Variants in TEX2 observed in about 807,000 individuals in gnomAD.
TEX2 encodes the protein testis expressed 2.
TEX2 carries 53 observed loss-of-function variants against 106.9 expected under a neutral mutation model. The ratio of observed to expected loss-of-function variants is 0.50; its 90% confidence interval spans 0.40 to 0.62. The LOEUF is 0.62. Ranked by LOEUF, TEX2 falls within the 20% of genes least tolerant of loss-of-function variation. The pLI is 0.00. For missense variants in TEX2, 1,207 were observed against 1,379.0 expected (o/e 0.88, Z 1.98); for synonymous variants, 523 against 534.8 (o/e 0.98, Z 0.30).
Position 64,212,910 on chromosome 17 carries a change from A to G in TEX2, c.1308T>C (p.Val436=), listed in dbSNP as rs532646895. Reference sequence around the variant, plus strand: ...TGAGAGGAATATCTGAGAGCTTATCAACTTTACTCTCCCCCTCCGTTTCCA... The same window carrying G: ...TGAGAGGAATATCTGAGAGCTTATCGACTTTACTCTCCCCCTCCGTTTCCA... ...FDLETEGESK[V]DKLSDIPLKP... is the part of the protein sequence containing the mutation. The change falls in exon 2 of 12, where the codon GTT becomes GTC. Residue 436 remains valine, a synonymous_variant. Coordinates refer to ENST00000584379, the MANE Select transcript of TEX2 (RefSeq NM_001288732.2). 6.2e-7 allele frequency: 1 copy of G among 1,614,202 alleles called. No homozygotes were observed. The highest frequency in any genetic ancestry group is 2.2e-5 in the East Asian group (1 of 44,890).
At chr17:64,218,262 T>C in intron 1 of TEX2, among the ~76,000 whole-genome samples, 1 of 151,634 alleles carries the variant, frequency 6.6e-6, no homozygotes, top group Non-Finnish European at 1.5e-5. Flanking sequence ...AAAAAAAGTC[T>C]GAAAGGCTTT....
intron 2 of TEX2, among the ~76,000 whole-genome samples, chr17:64,206,996 G>A (rs1268715388): frequency 6.6e-6 from 1 of 152,148 alleles, no homozygotes; most frequent in East Asian, 1.9e-4. Flanking sequence ...CTGCAAATTG[G>A]TCTTTTTGGT....
At position 64,160,098 on chromosome 17, in the gene TEX2, G is replaced by C. The variant is rs1281385385; in HGVS notation, c.2804+703C>G. ...AGCCTCTAGTCAACATTTTTAATTTGGTAAAAACAATAATATAATTTAAAT... is the reference window on the plus strand; with the variant it reads ...AGCCTCTAGTCAACATTTTTAATTTCGTAAAAACAATAATATAATTTAAAT... On this transcript the variant is annotated intron_variant, in intron 8 of 11. Transcript: ENST00000584379. Among the ~76,000 whole-genome samples, 4 of 152,118 alleles carry C rather than the reference G, an allele frequency of 2.6e-5. No homozygotes were observed. The East Asian group carries it at 7.7e-4, about 29-fold the overall frequency.
At chr17:64,232,399 GATTA>G (rs1425330121) in intron 1 of TEX2, among the ~76,000 whole-genome samples, 9 of 152,244 alleles carry the variant, frequency 5.9e-5, no homozygotes, top group South Asian at 4.1e-4. Flanking sequence ...CCAGTAAACT[GATTA>G]ATTCTGTGTA....
Position 64,147,306 on chromosome 17 carries a change from TAGGAC to T in TEX2, c.*1658_*1662del, listed in dbSNP as rs2143553876. 1 of 152,308 alleles carries T rather than the reference TAGGAC, an allele frequency of 6.6e-6. No individual in the cohort carries two copies. The highest frequency in any genetic ancestry group is 2.1e-4 in the South Asian group (1 of 4,818). The allele number at this position is 152,308 out of a possible 1,614,324, so 9.4% of individuals were successfully genotyped here. The stretch of plus-strand genomic sequence containing the variant: ...TGTAGTGAGGATGGCTTTGTAGCCT[TAGGAC>T]TGGGCAGTGATCAACGCAGTAAATG... On this transcript the variant is annotated 3_prime_UTR_variant, in exon 12 of 12. Coordinates refer to ENST00000584379, the MANE Select transcript of TEX2 (RefSeq NM_001288732.2).
In TEX2 at chr17:64,213,000, A is replaced by G; in HGVS notation, c.1218T>C (p.Ser406=). The part of the protein sequence containing the change: ...KTSSLVLEKC[S]LSALVSKEDE... ...CTTCTTTGCTCACTAAGGCAGACAAAGAACATTTCTCCAGAACTAGAGAAC... is the reference window on the plus strand; with the variant it reads ...CTTCTTTGCTCACTAAGGCAGACAAGGAACATTTCTCCAGAACTAGAGAAC... Residue 406 remains serine (S), a synonymous_variant, in exon 2 of 12, where the codon TCT becomes TCC. Coordinates refer to ENST00000584379, the MANE Select transcript of TEX2 (RefSeq NM_001288732.2). The G allele has an allele frequency of 6.2e-7, 1 of 1,614,244 alleles. No individual in the cohort carries two copies. The highest frequency in any genetic ancestry group is 8.5e-7 in the Non-Finnish European group (1 of 1,180,038).
intron 1 of TEX2, among the ~76,000 whole-genome samples, chr17:64,253,252 C>T (rs1191896913): frequency 4.6e-5 from 7 of 152,140 alleles, no homozygotes; most frequent in African/African-American, 1.7e-4. Context: ...AATCCTCCCA[C>T]CTCAGTCTCC....
At chr17:64,237,908 C>T (rs1555635310) in intron 1 of TEX2, among the ~76,000 whole-genome samples, 2 of 152,126 alleles carry the variant, frequency 1.3e-5, no homozygotes, top group African/African-American at 2.4e-5. Context: ...TACAAATAAC[C>T]TACAACCAGC....
At chr17:64,182,529 G>A (rs1274616438) in intron 5 of TEX2, among the ~76,000 whole-genome samples, 2 of 152,096 alleles carry the variant, frequency 1.3e-5, no homozygotes, top group African/African-American at 4.8e-5. Context: ...TCAGTATATT[G>A]AGAGTTGTGT....
intron 8 of TEX2, 74 bp from the exon 9 acceptor site, chr17:64,155,041 A>G (rs2143616941): frequency 6.9e-7 from 1 of 1,439,350 alleles, no homozygotes; most frequent in East Asian, 2.6e-5. Context: ...ACACACACCC[A>G]TGCACACACA....
At chr17:64,199,754 C>T (rs1199677263) in intron 2 of TEX2, among the ~76,000 whole-genome samples, 1 of 152,234 alleles carries the variant, frequency 6.6e-6, no homozygotes, top group African/African-American at 2.4e-5. Context: ...TTGATTCCAA[C>T]TAGCTACACT....
rs542765171 is a variant in TEX2 at position 64,241,481 on chromosome 17, T to C, written c.-26+21687A>G. Among the ~76,000 whole-genome samples the C allele has an allele frequency of 2.0e-5, 3 of 152,328 alleles. No homozygotes were observed. In the South Asian group the frequency reaches 6.2e-4, roughly 32 times the overall value. ...ATCTGTGAAAAGAAGCCTCACTGAA[T>C]TCCAAGATCCCAAAGATAATTGTTA... On this transcript the variant is annotated intron_variant, in intron 1 of 11. Transcript: ENST00000584379.
chr17:64,252,785 C>G (rs1331872089), intron 1 of TEX2, among the ~76,000 whole-genome samples: 3 of 152,092 alleles, frequency 2.0e-5, no homozygotes, highest in African/African-American at 7.2e-5. Flanking sequence ...AACAAGGTCC[C>G]TGCCTTCTTG....
rs370882009 is a variant in TEX2, at chr17:64,194,869, A to C, written c.1845+26T>G. 6.2e-6 allele frequency: 10 copies of C among 1,609,956 alleles called. No individual in the cohort carries two copies. In the African/African-American group the frequency reaches 1.2e-4, roughly 19 times the overall value. On this transcript the variant is annotated intron_variant, in intron 3 of 11. Transcript: ENST00000584379. ...CATATGCTTTTCATTCATCTAAGCT[A>C]TCCTTCCAAAATTGCTCAGGCTCAC...
chr17:64,196,652 T>G (rs1425929490), intron 2 of TEX2, among the ~76,000 whole-genome samples: 1 of 152,242 alleles, frequency 6.6e-6, no homozygotes, highest in African/African-American at 2.4e-5. Context: ...TGAAGTGGAC[T>G]GTATTGTCAG....
chr17:64,182,807 A>C (rs1340261154), intron 5 of TEX2, among the ~76,000 whole-genome samples: 1 of 73,576 alleles, frequency 1.4e-5, no homozygotes, highest in African/African-American at 4.9e-5. Flanking sequence ...ATTGCATAAT[A>C]AACTTATTTT....
chr17:64,203,083 G>A (rs913230513), intron 2 of TEX2, among the ~76,000 whole-genome samples: 2 of 152,164 alleles, frequency 1.3e-5, no homozygotes, highest in Admixed American at 1.3e-4. Context: ...AATAAAGTCT[G>A]GAAGAACTAC....
chr17:64,247,106 C>T (rs1486558689), intron 1 of TEX2, among the ~76,000 whole-genome samples: 1 of 151,386 alleles, frequency 6.6e-6, no homozygotes, highest in Non-Finnish European at 1.5e-5. Context: ...GGTGAAACCC[C>T]ATCTCTACTA....
intron 2 of TEX2, among the ~76,000 whole-genome samples, chr17:64,201,686 G>C (rs2032666995): frequency 6.6e-6 from 1 of 152,100 alleles, no homozygotes; most frequent in East Asian, 1.9e-4. Context: ...TCACCCCTCA[G>C]GTCATGGCAA....
Sources: gnomAD v4.1 joint callset for allele counts (sites outside exome capture counted in the v4.1 genomes callset) on GRCh38, gnomAD v4.1.1 for gene constraint, MANE v1.5 for transcripts, NCBI Gene and HGNC (gene_info 2026-07-23, HGNC 2026-07-21) for gene names.